The following PTPRD variants were observed in gnomAD, a reference collection of about 807,000 sequenced individuals.
The protein encoded by PTPRD is protein tyrosine phosphatase receptor type D.
PTPRD carries 34 observed loss-of-function variants against 214.5 expected under a neutral mutation model. The ratio of observed to expected loss-of-function variants is 0.16; its 90% CI spans 0.12 to 0.21. The LOEUF is 0.21. Ranked by LOEUF, PTPRD falls within the 10% of genes least tolerant of loss-of-function variation. The probability of loss-of-function intolerance (pLI) is 1.00; values close to 1 mark genes in which losing one functional copy is unlikely to be tolerated. For missense variants in PTPRD, 2,545 were observed against 2,398.7 expected, an observed-to-expected ratio of 1.06 and a Z score of -1.27; for synonymous variants, 1,128 against 845.7, an observed-to-expected ratio of 1.33 and a Z score of -5.79.
chr9:10,546,612 T>A (rs1258413693), intron 2 of PTPRD, among the ~76,000 whole-genome samples: 1 of 151,902 alleles, frequency 6.6e-6, no homozygotes, highest in Non-Finnish European at 1.5e-5. Flanking sequence ...ATTTCCTGGG[T>A]CAAAATATGG....
intron 14 of PTPRD, among the ~76,000 whole-genome samples, chr9:8,632,311 A>G (rs753087404): frequency 1.3e-5 from 2 of 151,928 alleles, no homozygotes; most frequent in Non-Finnish European, 2.9e-5. Flanking sequence ...TATTTTATAA[A>G]AGATATAAAG....
intron 39 of PTPRD, among the ~76,000 whole-genome samples, chr9:8,349,874 C>T (rs765010616): frequency 6.6e-6 from 1 of 151,346 alleles, no homozygotes; most frequent in Non-Finnish European, 1.5e-5. Flanking sequence ...AGAATCAGAA[C>T]ACAAACTCTA....
At chr9:10,362,193 C>T (rs1254025942) in intron 2 of PTPRD, among the ~76,000 whole-genome samples, 3 of 152,096 alleles carry the variant, frequency 2.0e-5, no homozygotes, top group Non-Finnish European at 2.9e-5. Context: ...AAAAGAGAAA[C>T]GTACTAGTGA....
At chr9:9,359,867 A>G (rs958940531) in intron 9 of PTPRD, among the ~76,000 whole-genome samples, 7 of 151,320 alleles carry the variant, frequency 4.6e-5, no homozygotes, top group Non-Finnish European at 1.0e-4. Flanking sequence ...AAGTGAAAGA[A>G]GATTCAGAGA....
intron 10 of PTPRD, among the ~76,000 whole-genome samples, chr9:9,098,307 A>G (rs2099786600): frequency 1.3e-5 from 2 of 152,076 alleles, no homozygotes; most frequent in Non-Finnish European, 2.9e-5. Flanking sequence ...CCCGGGCTGA[A>G]GTGCAGTGGT....
chr9:8,593,499 T>C (rs888592076), intron 14 of PTPRD, among the ~76,000 whole-genome samples: 4 of 152,192 alleles, frequency 2.6e-5, no homozygotes, highest in Non-Finnish European at 5.9e-5. Context: ...CTGGTAGATA[T>C]AACTAGTAGA....
intron 7 of PTPRD, among the ~76,000 whole-genome samples, chr9:9,628,970 G>C (rs2095504754): frequency 6.6e-6 from 1 of 151,712 alleles, no homozygotes; most frequent in African/African-American, 2.4e-5. Flanking sequence ...TCATGAGTTT[G>C]AGACCAGCCT....
intron 12 of PTPRD, among the ~76,000 whole-genome samples, chr9:8,712,486 G>A (rs896643130): frequency 4.6e-5 from 7 of 151,256 alleles, no homozygotes; most frequent in African/African-American, 1.2e-4. Context: ...TGGGCAGGAT[G>A]AGCATGTAAA....
At chr9:10,342,479 T>C (rs549532456) in intron 2 of PTPRD, among the ~76,000 whole-genome samples, 1 of 152,198 alleles carries the variant, frequency 6.6e-6, no homozygotes, top group South Asian at 2.1e-4. Flanking sequence ...TGTTACTGAA[T>C]CTTTGTAGCA....
At chr9:9,066,029 G>T (rs776367734) in intron 10 of PTPRD, among the ~76,000 whole-genome samples, 2 of 152,108 alleles carry the variant, frequency 1.3e-5, no homozygotes, top group Middle Eastern at 3.2e-3. Flanking sequence ...ACATGTGATT[G>T]TCATCTCCAA....
chr9:9,431,410 G>A (rs562984416), intron 8 of PTPRD, among the ~76,000 whole-genome samples: 2 of 152,268 alleles, frequency 1.3e-5, no homozygotes, highest in African/African-American at 4.8e-5. Context: ...AACAACAGGT[G>A]CTGGAGAGGA....
chr9:9,494,238 T>C (rs1412739947), intron 8 of PTPRD, among the ~76,000 whole-genome samples: 1 of 152,208 alleles, frequency 6.6e-6, no homozygotes, highest in Non-Finnish European at 1.5e-5. Context: ...ATTTTTGACA[T>C]GGCAACAAAT....
intron 11 of PTPRD, among the ~76,000 whole-genome samples, chr9:8,753,942 C>G (rs1213267832): frequency 6.6e-5 from 10 of 151,930 alleles, no homozygotes; most frequent in Non-Finnish European, 1.2e-4. Context: ...GTCAGGAGTT[C>G]AAGACCAGCC....
intron 2 of PTPRD, among the ~76,000 whole-genome samples, chr9:10,384,182 G>A (rs2097871128): frequency 6.6e-6 from 1 of 151,566 alleles, no homozygotes; most frequent in Admixed American, 6.6e-5. Flanking sequence ...AGTATAATTG[G>A]ATTGTTTGTA....
At chr9:10,597,246 T>A (rs2133189592) in intron 2 of PTPRD, among the ~76,000 whole-genome samples, 1 of 151,842 alleles carries the variant, frequency 6.6e-6, no homozygotes, top group African/African-American at 2.4e-5. Context: ...GTACCAAGAC[T>A]GCCCCTTTTA....
At chr9:8,828,280 T>A (rs2097213933) in intron 11 of PTPRD, among the ~76,000 whole-genome samples, 2 of 152,190 alleles carry the variant, frequency 1.3e-5, no homozygotes, top group Admixed American at 1.3e-4. Flanking sequence ...CTCAATGTGA[T>A]GGTATTAGAA....
intron 39 of PTPRD, 129 bp downstream of exon 39, chr9:8,375,807 G>T: frequency 8.8e-7 from 1 of 1,131,966 alleles, no homozygotes; most frequent in Non-Finnish European, 1.2e-6. Context: ...GGCCTCATTT[G>T]ACCAAAAGAG....
chr9:9,856,552 G>T (rs1223817374), intron 5 of PTPRD, among the ~76,000 whole-genome samples: 1 of 151,824 alleles, frequency 6.6e-6, no homozygotes, highest in Non-Finnish European at 1.5e-5. Context: ...CCAAAAGACA[G>T]GATCTCAAGG....
intron 4 of PTPRD, among the ~76,000 whole-genome samples, chr9:10,000,935 G>A (rs549994780): frequency 6.6e-6 from 1 of 152,116 alleles, no homozygotes; most frequent in Non-Finnish European, 1.5e-5. Context: ...TACACACCTG[G>A]TCAAACCAAT....
Sources: allele counts gnomAD v4.1 joint callset (sites outside exome capture counted in the v4.1 genomes callset), GRCh38; gene constraint gnomAD v4.1.1; transcripts MANE v1.5; gene names NCBI Gene and HGNC (gene_info 2026-07-23, HGNC 2026-07-21).